PARD3B: variants seen among roughly 807,000 people sequenced by gnomAD.
The protein encoded by PARD3B is par-3 family cell polarity regulator beta.
Under a neutral mutation model 130.2 loss-of-function variants are expected in PARD3B, and 103 were observed. The observed-to-expected ratio is 0.79, with a 90% CI of 0.67 to 0.93. PARD3B has a LOEUF of 0.93. PARD3B is among the 40% of genes least tolerant of loss of function. PARD3B has a pLI of 0.00. For missense variants in PARD3B, 1,609 were observed against 1,499.2 expected (o/e 1.07, Z -1.21); for synonymous variants, 583 against 553.2 (o/e 1.05, Z -0.76).
intron 3 of PARD3B, among the ~76,000 whole-genome samples, chr2:204,971,834 A>AT (rs3038727): frequency 0.11 from 14,176 of 131,136 alleles, 780 homozygotes; most frequent in Non-Finnish European, 0.12. Context: ...TTTTGTTTTA[A>AT]TTTTTTTTTT....
At chr2:205,169,930 C>CTTT (rs200935015) in intron 11 of PARD3B, among the ~76,000 whole-genome samples, 9 of 126,636 alleles carry the variant, frequency 7.1e-5, no homozygotes, top group African/African-American at 2.4e-4. Context: ...TTCCCCCCAC[C>CTTT]CTTTTTTTTT....
chr2:205,212,614 A>G (rs995061874), intron 15 of PARD3B, among the ~76,000 whole-genome samples: 1 of 152,158 alleles, frequency 6.6e-6, no homozygotes, highest in Non-Finnish European at 1.5e-5. Context: ...CTAAGCAAGT[A>G]GGAATTAACT....
chr2:205,054,893 GT>G (rs938839457), intron 4 of PARD3B, among the ~76,000 whole-genome samples: 2 of 151,782 alleles, frequency 1.3e-5, no homozygotes, highest in Non-Finnish European at 2.9e-5. Flanking sequence ...AAAATGAGTG[GT>G]TTTTTTTCCC....
rs1167825322 is a variant in PARD3B, at chr2:205,341,762, A to C, written c.2630+40061A>C. Among the ~76,000 whole-genome samples, 1 of 152,166 alleles carries C rather than the reference A, an allele frequency of 6.6e-6. No individual in the cohort carries two copies. The highest frequency in any genetic ancestry group is 1.5e-5 in the Non-Finnish European group (1 of 68,004). ...AACACGAAGAAATGATGCATGTTTG[A>C]AATGATGGATATGCTAATTACCCTG... On this transcript the variant is annotated intron_variant, in intron 18 of 22. Transcript: ENST00000406610. The surrounding 1 kb of genome is among the most constrained non-coding windows in gnomAD (Gnocchi z 4.3).
At chr2:204,609,983 AG>A (rs2033864926) in intron 1 of PARD3B, among the ~76,000 whole-genome samples, 1 of 152,180 alleles carries the variant, frequency 6.6e-6, no homozygotes, top group Non-Finnish European at 1.5e-5. Flanking sequence ...GATTTCCTTC[AG>A]GGTCTACATG....
At position 204,799,677 on chromosome 2, in the gene PARD3B, G is replaced by C. The variant is rs572948200; in HGVS notation, c.222+113395G>C. On this transcript the variant is annotated intron_variant, in intron 2 of 22. Coordinates refer to ENST00000406610, the MANE Select transcript of PARD3B (RefSeq NM_001302769.2). The surrounding 1 kb of genome is among the most constrained non-coding windows in gnomAD (Gnocchi z 4.1). ...AGGCAGCTCAGCACAGAGAAAGACTGACTCTTTTTGGGGGCAAAGTGAGGG... is the reference window on the plus strand; with the variant it reads ...AGGCAGCTCAGCACAGAGAAAGACTCACTCTTTTTGGGGGCAAAGTGAGGG... Among the ~76,000 whole-genome samples, 15 of 152,292 alleles carry C rather than the reference G, an allele frequency of 9.8e-5. 1 individual carries two copies. The South Asian group carries it at 2.1e-3, about 21-fold the overall frequency.
intron 20 of PARD3B, among the ~76,000 whole-genome samples, chr2:205,491,625 C>T (rs951724366): frequency 2.6e-5 from 4 of 152,078 alleles, no homozygotes; most frequent in Non-Finnish European, 5.9e-5. Context: ...TTTCTTTATG[C>T]TCCACCACTA....
intron 2 of PARD3B, among the ~76,000 whole-genome samples, chr2:204,889,417 A>G (rs922843149): frequency 6.6e-6 from 1 of 152,226 alleles, no homozygotes; most frequent in African/African-American, 2.4e-5. Flanking sequence ...GAGCAGGACC[A>G]GTTACATTTG....
chr2:205,478,568 A>G (rs10932111), intron 20 of PARD3B, among the ~76,000 whole-genome samples: 67 of 152,212 alleles, frequency 4.4e-4, no homozygotes, highest in African/African-American at 1.5e-3. Flanking sequence ...GGAATGTAAC[A>G]TTTGCATTTG....
At chr2:204,785,594 T>C (rs1267575745) in intron 2 of PARD3B, among the ~76,000 whole-genome samples, 1 of 152,228 alleles carries the variant, frequency 6.6e-6, no homozygotes, top group Non-Finnish European at 1.5e-5. Context: ...AGAACCCTTA[T>C]GAGAGTTATG....
At chr2:204,741,441 A>G (rs2040005838) in intron 2 of PARD3B, among the ~76,000 whole-genome samples, 1 of 152,254 alleles carries the variant, frequency 6.6e-6, no homozygotes, top group African/African-American at 2.4e-5. Context: ...AATGTGTTAT[A>G]GTAGCCACCT....
At chr2:204,862,422 GA>G (rs2045247252) in intron 2 of PARD3B, among the ~76,000 whole-genome samples, 1 of 152,128 alleles carries the variant, frequency 6.6e-6, no homozygotes, top group African/African-American at 2.4e-5. Flanking sequence ...TTAAAAGGAG[GA>G]AAAATTGATA....
chr2:204,709,457 G>A (rs1309847674), intron 2 of PARD3B, among the ~76,000 whole-genome samples: 1 of 152,170 alleles, frequency 6.6e-6, no homozygotes, highest in African/African-American at 2.4e-5. Flanking sequence ...AAGAACTTTA[G>A]TATGAGCATA....
rs988843110 is a variant in PARD3B, at chr2:205,113,099, G to A, written c.594-392G>A. Among the ~76,000 whole-genome samples, 9 of 152,184 alleles carry A rather than the reference G, an allele frequency of 5.9e-5. No homozygotes were observed. In the East Asian group the frequency reaches 7.7e-4, roughly 13 times the overall value. ...GAAGCCTACTTTATGCTGAAGCATC[G>A]ATGTGCTTTCTTCTGTGTTTTTTAT... On this transcript the variant is annotated intron_variant, in intron 5 of 22. Transcript: ENST00000406610.
chr2:204,619,353 T>C (rs11674084), intron 1 of PARD3B, among the ~76,000 whole-genome samples: 97,951 of 152,078 alleles, frequency 0.64, 34,357 homozygotes, highest in Non-Finnish European at 0.78. Flanking sequence ...AGTGACAGCA[T>C]ACAGAGCTGT....
intron 10 of PARD3B, among the ~76,000 whole-genome samples, chr2:205,157,800 A>G (rs1259455266): frequency 2.6e-5 from 4 of 152,124 alleles, no homozygotes; most frequent in Admixed American, 2.6e-4. Context: ...ACATTTCTAC[A>G]AGCTTGAGAG....
chr2:204,731,322 C>T (rs1410416807), intron 2 of PARD3B, among the ~76,000 whole-genome samples: 1 of 152,174 alleles, frequency 6.6e-6, no homozygotes, highest in African/African-American at 2.4e-5. Flanking sequence ...AGACCAATAA[C>T]AAGATTTACT....
intron 1 of PARD3B, among the ~76,000 whole-genome samples, chr2:204,553,540 GT>G (rs1559151994): frequency 6.0e-3 from 130 of 21,786 alleles, no homozygotes; most frequent in Admixed American, 0.015. Flanking sequence ...TCTGTGGGGT[GT>G]GTGTGTGTGT....
chr2:205,216,815 CTGT>C (rs370837900), intron 15 of PARD3B, among the ~76,000 whole-genome samples: 42 of 152,242 alleles, frequency 2.8e-4, no homozygotes, highest in African/African-American at 9.6e-4. Flanking sequence ...CCGTACCAAA[CTGT>C]TGTTGTAAGC....
Sources: gnomAD v4.1 joint callset for allele counts (sites outside exome capture counted in the v4.1 genomes callset) on GRCh38, gnomAD v4.1.1 for gene constraint, Gnocchi (gnomAD v3.1) non-coding constraint, MANE v1.5 for transcripts, NCBI Gene and HGNC (gene_info 2026-07-23, HGNC 2026-07-21) for gene names.